OXR1: variants seen among roughly 807,000 people sequenced by gnomAD.
OXR1 encodes the protein oxidation resistance 1, also known as oxidation resistance protein 1.
OXR1 carries 41 observed loss-of-function variants against 104.6 expected under a neutral mutation model. The observed-to-expected ratio is 0.39, with a 90% CI of 0.31 to 0.51. The LOEUF is 0.51. OXR1 is among the 20% of genes least tolerant of loss of function. The probability of loss-of-function intolerance (pLI) is 0.77; values close to 1 mark genes in which losing one functional copy is unlikely to be tolerated. For synonymous variants in OXR1, 348 were observed against 348.4 expected, an observed-to-expected ratio of 1.00 and a Z score of 0.01; for missense variants, 955 against 1,031.9, an observed-to-expected ratio of 0.93 and a Z score of 1.02.
chr8:106,330,664 T>C (rs1814675922), intron 1 of OXR1, among the ~76,000 whole-genome samples: 1 of 152,212 alleles, frequency 6.6e-6, no homozygotes, highest in Non-Finnish European at 1.5e-5. Context: ...TGACTTGTCT[T>C]CTTAAGACTC....
chr8:106,615,514 G>C (rs936409579), intron 3 of OXR1, among the ~76,000 whole-genome samples: 3 of 151,698 alleles, frequency 2.0e-5, no homozygotes, highest in African/African-American at 4.8e-5. Flanking sequence ...AGGCTGAGGT[G>C]GGAGGATGGC....
chr8:106,727,932 A>G (rs1434431626), intron 11 of OXR1, among the ~76,000 whole-genome samples: 1 of 152,184 alleles, frequency 6.6e-6, no homozygotes, highest in African/African-American at 2.4e-5. Context: ...CTAAGTTGTC[A>G]TGTAGTACAG....
rs145865345 is a variant in OXR1, at chr8:106,579,688, T to C, written c.220+60549T>C. ...GTTACATAACTTGTCCAAAAGCACA[T>C]AGTAGCTAAGGAGGGGAGCCAGGAA... is the stretch of plus-strand genomic sequence containing the variant. On this transcript the variant is annotated intron_variant, in intron 3 of 16. Coordinates refer to ENST00000517566, the MANE Select transcript of OXR1 (RefSeq NM_001198533.2). 2.1e-3 allele frequency among the ~76,000 whole-genome samples: 316 copies of C among 151,762 alleles called. 1 individual carries two copies. The highest frequency in any genetic ancestry group is 4.0e-3 in the Non-Finnish European group (272 of 67,936).
At chr8:106,716,508 C>T (rs1241409885) in intron 11 of OXR1, among the ~76,000 whole-genome samples, 2 of 88,334 alleles carry the variant, frequency 2.3e-5, no homozygotes, top group African/African-American at 5.8e-5. Context: ...CCTGTAGTCC[C>T]AGCTACTCGG....
chr8:106,629,268 A>G (rs12676088), intron 3 of OXR1, among the ~76,000 whole-genome samples: 6,832 of 152,118 alleles, frequency 0.045, 184 homozygotes, highest in South Asian at 0.077. Flanking sequence ...GTCCTTTTTA[A>G]CAATATTTTG....
chr8:106,334,892 C>A (rs1205733305), intron 1 of OXR1, among the ~76,000 whole-genome samples: 1 of 152,114 alleles, frequency 6.6e-6, no homozygotes. Flanking sequence ...CTAATAAATC[C>A]TTCAGTGGTT....
At chr8:106,669,978 T>C (rs1283966232) in intron 3 of OXR1, among the ~76,000 whole-genome samples, 1 of 152,102 alleles carries the variant, frequency 6.6e-6, no homozygotes, top group Non-Finnish European at 1.5e-5. Flanking sequence ...CTAAGTGGTA[T>C]GGGTAGGATA....
chr8:106,419,670 G>C (rs1281092629), intron 2 of OXR1, among the ~76,000 whole-genome samples: 1 of 152,092 alleles, frequency 6.6e-6, no homozygotes. Context: ...TGGGAGACAG[G>C]CTTTTAGTTT....
intron 2 of OXR1, among the ~76,000 whole-genome samples, chr8:106,383,026 T>G (rs1817222295): frequency 6.6e-6 from 1 of 150,388 alleles, no homozygotes. Context: ...CCTGGAAAGG[T>G]AGGAAGGAAG....
intron 3 of OXR1, among the ~76,000 whole-genome samples, chr8:106,648,984 C>G (rs552934847): frequency 6.6e-6 from 1 of 152,132 alleles, no homozygotes; most frequent in Non-Finnish European, 1.5e-5. Flanking sequence ...GCATGCAGAT[C>G]GTTTGAGCCC....
chr8:106,302,022 G>T (rs1157600720), intron 1 of OXR1, among the ~76,000 whole-genome samples: 1 of 152,160 alleles, frequency 6.6e-6, no homozygotes, highest in Non-Finnish European at 1.5e-5. Flanking sequence ...ACTGATAATA[G>T]GGATAAGAAA....
chr8:106,656,375 A>G (rs1461895373), intron 3 of OXR1: 1 of 152,300 alleles, frequency 6.6e-6, no homozygotes, highest in Admixed American at 6.5e-5. Flanking sequence ...CCTGTGGCAG[A>G]AAGATGGAGA....
chr8:106,318,040 A>G (rs1005583472), intron 1 of OXR1, among the ~76,000 whole-genome samples: 2 of 152,202 alleles, frequency 1.3e-5, no homozygotes, highest in Admixed American at 6.5e-5. Flanking sequence ...TAATGATAGC[A>G]TTAAACTGTA....
At chr8:106,308,902 A>G (rs1813576196) in intron 1 of OXR1, among the ~76,000 whole-genome samples, 1 of 152,224 alleles carries the variant, frequency 6.6e-6, no homozygotes, top group South Asian at 2.1e-4. Flanking sequence ...TCAGCTTGAC[A>G]CAATATGTGA....
intron 1 of OXR1, among the ~76,000 whole-genome samples, chr8:106,338,350 C>T (rs550936939): frequency 5.3e-4 from 80 of 151,992 alleles, no homozygotes; most frequent in African/African-American, 1.7e-3. Flanking sequence ...CCGGGGTGGG[C>T]GGATCACCTG....
chr8:106,581,272 C>G, intron 3 of OXR1: 2 of 1,280,702 alleles, frequency 1.6e-6, no homozygotes, highest in African/African-American at 1.5e-5. Flanking sequence ...GAAATCATGC[C>G]TTTCTATTTT....
At chr8:106,420,965 GTC>G (rs950863373) in intron 2 of OXR1, among the ~76,000 whole-genome samples, 7 of 152,088 alleles carry the variant, frequency 4.6e-5, no homozygotes, top group African/African-American at 1.7e-4. Context: ...AAGATCGGCT[GTC>G]TCTGAGTGTT....
At chr8:106,474,545 AC>A (rs1191781556) in intron 2 of OXR1, among the ~76,000 whole-genome samples, 1 of 151,944 alleles carries the variant, frequency 6.6e-6, no homozygotes, top group Non-Finnish European at 1.5e-5. Flanking sequence ...TGAAAAAAAA[AC>A]AAAAGAATAT....
intron 1 of OXR1, among the ~76,000 whole-genome samples, chr8:106,287,035 A>G (rs1812529320): frequency 6.6e-6 from 1 of 152,186 alleles, no homozygotes; most frequent in Non-Finnish European, 1.5e-5. Context: ...TATCGTAGGT[A>G]TCAGTTTCTT....
Sources: gnomAD v4.1 joint callset for allele counts (sites outside exome capture counted in the v4.1 genomes callset) on GRCh38, gnomAD v4.1.1 for gene constraint, MANE v1.5 for transcripts, NCBI Gene and HGNC (gene_info 2026-07-23, HGNC 2026-07-21) for gene names.